PARP4: variants seen among roughly 807,000 people sequenced by gnomAD.
PARP4 encodes the protein protein mono-ADP-ribosyltransferase PARP4.
A neutral mutation model predicts 187.7 loss-of-function variants in PARP4; 120 were observed. The observed-to-expected ratio is 0.64, with a 90% CI of 0.55 to 0.74. The LOEUF (loss-of-function observed/expected upper bound fraction) is 0.74, where lower values mean the gene tolerates loss of function less well. PARP4 is among the 30% of genes least tolerant of loss of function. The probability of loss-of-function intolerance (pLI) is 0.00; values close to 1 mark genes in which losing one functional copy is unlikely to be tolerated. For synonymous variants in PARP4, 654 were observed against 740.9 expected (o/e 0.88, Z 1.90); for missense variants, 1,836 against 2,070.5 (o/e 0.89, Z 2.20).
intron 12 of PARP4, among the ~76,000 whole-genome samples, chr13:24,480,128 G>C (rs879273705): frequency 1.7e-4 from 26 of 152,184 alleles, no homozygotes; most frequent in African/African-American, 4.3e-4. Flanking sequence ...TCACCGCGAG[G>C]GTCCGCGGCT....
chr13:24,505,003 CTTTTTT>C (rs34271210), intron 1 of PARP4, among the ~76,000 whole-genome samples: 1 of 129,776 alleles, frequency 7.7e-6, no homozygotes. Context: ...CACACCCCCG[CTTTTTT>C]TTTTTTTTTT....
At chr13:24,449,939 C>T (rs1323998824) in intron 24 of PARP4, 122 bp from the exon 25 acceptor site, 12 of 546,770 alleles carry the variant, frequency 2.2e-5, no homozygotes, top group East Asian at 9.5e-5. Context: ...AGAATGTACT[C>T]GTGTGTCGCT....
chr13:24,453,403 T>C (rs758399380), intron 23 of PARP4, among the ~76,000 whole-genome samples, 184 bp downstream of exon 23: 2 of 152,154 alleles, frequency 1.3e-5, no homozygotes, highest in South Asian at 2.1e-4. Flanking sequence ...TTCTATTCTT[T>C]TTAATTTCCA....
At position 24,452,484 on chromosome 13, in the gene PARP4, T is replaced by G; in HGVS notation, c.2936A>C (p.His979Pro). 6.2e-7 allele frequency: 1 copy of G among 1,613,964 alleles called. No homozygotes were observed. The highest frequency in any genetic ancestry group is 1.3e-5 in the African/African-American group (1 of 74,990). The change falls in exon 24 of 34, where the codon CAC (histidine) becomes CCC (proline). Residue 979 changes from histidine (H) to proline (P), a missense_variant. By Grantham distance (77) the His-to-Pro change is moderately conservative (BLOSUM62 -2). Around this residue, in one of 8 missense-constraint regions of PARP4, gnomAD observed 1,147 missense variants for 1,214.2 expected, o/e 0.94. Transcript: ENST00000381989. ...TAATGTCAGGCTCTCATCCTGGAGG[T>G]GCCCATCAGACACCAGGAGGATGTT... ...SRNILLVSDGHLQDESLTLQL... is the reference protein window; with the variant it reads ...SRNILLVSDGPLQDESLTLQL...
At chr13:24,469,481 G>A (rs1265029036) in intron 16 of PARP4, among the ~76,000 whole-genome samples, 1 of 152,032 alleles carries the variant, frequency 6.6e-6, no homozygotes, top group East Asian at 1.9e-4. Flanking sequence ...ATCAACTGTT[G>A]TTTCTTTTCT....
In PARP4 at chr13:24,459,117, G is replaced by A. The variant is rs1418787457; in HGVS notation, c.2351C>T (p.Ser784Phe). The A allele has an allele frequency of 3.1e-6, 5 of 1,605,736 alleles. No homozygotes were observed. The highest frequency in any genetic ancestry group is 1.7e-5 in the Admixed American group (1 of 58,914). ...CGGCATCTCAATAGACATAGTCAAA[G>A]AGAAGCTAGCAAAAATGAAGAGAAA... Reference protein sequence around the residue: ...IKEIGTKQSFSLTMSIEMPYV... With the variant: ...IKEIGTKQSFFLTMSIEMPYV... Residue 784 changes from serine (S) to phenylalanine (F), a missense_variant, in exon 20 of 34, where the codon TCT becomes TTT. This residue lies in a region of PARP4 where 1,147 missense variants were observed against 1,214.2 expected (regional missense o/e 0.94). Coordinates refer to ENST00000381989, the MANE Select transcript of PARP4 (RefSeq NM_006437.4).
chr13:24,472,071 C>G (rs566907342), intron 15 of PARP4, among the ~76,000 whole-genome samples: 1 of 152,162 alleles, frequency 6.6e-6, no homozygotes, highest in African/African-American at 2.4e-5. Context: ...AGAATCTGGA[C>G]GCTGGAATCA....
At chr13:24,460,775 A>G (rs1872180054) in intron 17 of PARP4, among the ~76,000 whole-genome samples, 4 of 152,262 alleles carry the variant, frequency 2.6e-5, no homozygotes, top group African/African-American at 9.6e-5. Context: ...TGTAGCCTTG[A>G]AACCCCAGGT....
chr13:24,453,710 C>T (rs1871660448), intron 22 of PARP4, 56 bp from the exon 23 acceptor site: 1 of 918,718 alleles, frequency 1.1e-6, no homozygotes. Flanking sequence ...TGCTTGAGCA[C>T]TAACAAACAA....
At chr13:24,508,256 C>T (rs1869817514) in intron 1 of PARP4, among the ~76,000 whole-genome samples, 1 of 152,094 alleles carries the variant, frequency 6.6e-6, no homozygotes, top group Non-Finnish European at 1.5e-5. Context: ...ATAATTGCAC[C>T]CCCACTTATG....
rs1202446429 is a variant in PARP4 at position 24,446,760 on chromosome 13, G to A, written c.3287C>T (p.Ala1096Val). The change falls in exon 27 of 34, where the codon GCA (alanine) becomes GTA (valine). Residue 1096 changes from alanine to valine, a missense_variant and splice_region_variant. By Grantham distance (64) the Ala-to-Val change is moderately conservative. This residue lies in a region of PARP4 where 56 missense variants were observed against 56.6 expected (regional missense o/e 0.99). Coordinates refer to ENST00000381989, the MANE Select transcript of PARP4 (RefSeq NM_006437.4). ...CTCTTGAATTAGTGCACACAGAGTT[G>A]CCTGAAATGGGGAAAAAAATAAATT... Reference protein sequence around the residue: ...VYGFIPHCTQATLCALIQEKE... With the variant: ...VYGFIPHCTQVTLCALIQEKE... 1 of 1,573,434 alleles carries A rather than the reference G, an allele frequency of 6.4e-7. No individual in the cohort carries two copies. The highest frequency in any genetic ancestry group is 1.7e-5 in the Admixed American group (1 of 59,604).
In PARP4 at chr13:24,435,226, G is replaced by GA. The variant is rs1870566209; in HGVS notation, c.3914dup (p.Ser1306GlnfsTer9). The GA allele has an allele frequency of 6.2e-7, 1 of 1,614,140 alleles. No homozygotes were observed. The highest frequency in any genetic ancestry group is 1.3e-5 in the African/African-American group (1 of 75,056). Reference sequence around the variant, plus strand: ...TAGAAGTAGATGTTTCCCATGGACTGACTTTCTTAAATAGTGGTTCAGTTG... The same window carrying GA: ...TAGAAGTAGATGTTTCCCATGGACTGAACTTTCTTAAATAGTGGTTCAGTTG... On this transcript the variant is annotated frameshift_variant, in exon 31 of 34. Coordinates refer to ENST00000381989, the MANE Select transcript of PARP4 (RefSeq NM_006437.4). LOFTEE classifies it high-confidence loss of function.
intron 17 of PARP4, among the ~76,000 whole-genome samples, chr13:24,466,027 T>A (rs9581062): frequency 0.1 from 15,293 of 152,226 alleles, 839 homozygotes; most frequent in Non-Finnish European, 0.12. Flanking sequence ...TAACTTTCTA[T>A]GATGATAAAA....
At chr13:24,427,092 C>T (rs1212276657) in intron 32 of PARP4, among the ~76,000 whole-genome samples, 3 of 152,016 alleles carry the variant, frequency 2.0e-5, no homozygotes, top group Non-Finnish European at 4.4e-5. Context: ...GTGCCCCTCA[C>T]TTGCCATCTT....
chr13:24,451,706 C>T (rs1451123145), intron 24 of PARP4, among the ~76,000 whole-genome samples: 1 of 152,202 alleles, frequency 6.6e-6, no homozygotes, highest in Non-Finnish European at 1.5e-5. Context: ...GCCACAGAGG[C>T]AGGCAGGATG....
Position 24,449,387 on chromosome 13 carries a change from CAAAAAAAAA to C in PARP4, c.3114+322_3114+330del, listed in dbSNP as rs55699776. Among the ~76,000 whole-genome samples, 3 of 82,058 alleles carry C rather than the reference CAAAAAAAAA, an allele frequency of 3.7e-5. 1 individual carries two copies. The East Asian group carries it at 1.1e-3, about 29-fold the overall frequency. The allele number at this position is 82,058 out of a possible 152,430, so 53.8% of individuals were successfully genotyped here. A position where few individuals can be genotyped will look rare whatever the true frequency, so the allele number is the denominator to read the frequency against. ...TGGGCGACAGAGCAAGACTCTGTCT[CAAAAAAAAA>C]AAAAAAAAAAAAATTAAAATGCTAA... On this transcript the variant is annotated intron_variant, in intron 25 of 33. Coordinates refer to ENST00000381989, the MANE Select transcript of PARP4 (RefSeq NM_006437.4).
At chr13:24,500,525 GA>G (rs1334483114) in intron 3 of PARP4, 143 bp from the exon 4 acceptor site, 2 of 420,398 alleles carry the variant, frequency 4.8e-6, no homozygotes, top group Non-Finnish European at 8.6e-6. Flanking sequence ...AACCCAGTGG[GA>G]AAAGAGGAAG....
chr13:24,449,981 A>C (rs2137466209), intron 24 of PARP4, among the ~76,000 whole-genome samples, 164 bp from the exon 25 acceptor site: 1 of 152,348 alleles, frequency 6.6e-6, no homozygotes, highest in Non-Finnish European at 1.5e-5. Context: ...TAATAGAAGG[A>C]AACATCTGAA....
intron 2 of PARP4, among the ~76,000 whole-genome samples, chr13:24,502,847 A>G (rs1869379615): frequency 6.6e-6 from 1 of 152,228 alleles, no homozygotes; most frequent in Non-Finnish European, 1.5e-5. Flanking sequence ...AAACAGGGAC[A>G]TTGCATTTCT....
Sources: allele counts gnomAD v4.1 joint callset (sites outside exome capture counted in the v4.1 genomes callset), GRCh38; gene constraint gnomAD v4.1.1; regional missense constraint gnomAD v4.1.1; transcripts MANE v1.5; gene names NCBI Gene and HGNC (gene_info 2026-07-23, HGNC 2026-07-21).